Variants in THRB observed in about 807,000 individuals in gnomAD.
THRB encodes thyroid hormone receptor beta.
A neutral mutation model predicts 47.8 loss-of-function variants in THRB; 12 were observed. The observed-to-expected ratio is 0.25, with a 90% confidence interval of 0.16 to 0.41. The LOEUF is 0.41. Ranked by LOEUF, THRB falls within the 10% of genes least tolerant of loss-of-function variation. The pLI, the probability that THRB is intolerant of heterozygous loss-of-function variation, is 1.00. For synonymous variants in THRB, 218 were observed against 212.2 expected (o/e 1.03, Z -0.24); for missense variants, 348 against 589.2 (o/e 0.59, Z 4.24).
intron 3 of THRB, chr3:24,237,857 C>G (rs1398952247): frequency 6.6e-6 from 1 of 152,186 alleles, no homozygotes; most frequent in African/African-American, 2.4e-5. Flanking sequence ...ACAAAGCCCC[C>G]TGCAAATCTA....
intron 3 of THRB, among the ~76,000 whole-genome samples, chr3:24,238,330 C>T (rs909529318): frequency 2.2e-5 from 3 of 136,820 alleles, no homozygotes; most frequent in African/African-American, 8.1e-5. Flanking sequence ...ATTGGAAACA[C>T]ATTCATCATG....
intron 1 of THRB, among the ~76,000 whole-genome samples, chr3:24,462,215 G>T (rs1032189322): frequency 6.6e-6 from 1 of 151,996 alleles, no homozygotes; most frequent in East Asian, 1.9e-4. Flanking sequence ...GCCCCAGATG[G>T]CAAGGACTTG....
intron 9 of THRB, among the ~76,000 whole-genome samples, chr3:24,131,913 G>A (rs1304259525): frequency 6.6e-6 from 1 of 152,198 alleles, no homozygotes; most frequent in African/African-American, 2.4e-5. Context: ...GTGAAGCTGG[G>A]GCTAAGAGGG....
At chr3:24,175,211 T>G (rs2040982973) in intron 5 of THRB, among the ~76,000 whole-genome samples, 1 of 152,230 alleles carries the variant, frequency 6.6e-6, no homozygotes, top group South Asian at 2.1e-4. Context: ...ATTTGTTCCA[T>G]TTAAGTTTTC....
chr3:24,383,666 C>T lies in THRB; in HGVS notation c.-260-46295G>A, dbSNP rs185724664. 2.6e-5 allele frequency among the ~76,000 whole-genome samples: 4 copies of T among 152,222 alleles called. No homozygotes were observed. The East Asian group carries it at 7.7e-4, about 29-fold the overall frequency. On this transcript the variant is annotated intron_variant, in intron 1 of 10. Transcript: ENST00000646209. The stretch of plus-strand genomic sequence containing the variant: ...TACTAACACAATTCTCTTTTCTTGA[C>T]AACTCAATTCAGTTCTATTTCAAGT...
chr3:24,317,834 A>C (rs1424300017), intron 2 of THRB, among the ~76,000 whole-genome samples: 1 of 152,192 alleles, frequency 6.6e-6, no homozygotes, highest in Non-Finnish European at 1.5e-5. Context: ...AGGTGGGCAG[A>C]TTGCTTAAGC....
intron 1 of THRB, among the ~76,000 whole-genome samples, chr3:24,481,241 T>TGTTTTG (rs749267139): frequency 6.8e-6 from 1 of 146,230 alleles, no homozygotes; most frequent in Admixed American, 6.7e-5. Flanking sequence ...TTTTTTTTTT[T>TGTTTTG]TTTTTTTTTT....
intron 1 of THRB, among the ~76,000 whole-genome samples, chr3:24,417,138 A>ACGCG (rs1553752920): frequency 3.8e-4 from 58 of 151,194 alleles, no homozygotes; most frequent in African/African-American, 1.4e-3. Context: ...ACACACACAC[A>ACGCG]CGCGCAACGC....
At chr3:24,448,586 A>T (rs1285208096) in intron 1 of THRB, among the ~76,000 whole-genome samples, 2 of 152,144 alleles carry the variant, frequency 1.3e-5, no homozygotes, top group African/African-American at 2.4e-5. Context: ...AGACTTGTAT[A>T]CCTCCCATCT....
intron 1 of THRB, among the ~76,000 whole-genome samples, chr3:24,364,721 T>C (rs2064330681): frequency 6.6e-6 from 1 of 152,176 alleles, no homozygotes; most frequent in African/African-American, 2.4e-5. Flanking sequence ...GGTACTCATG[T>C]GAAAAATTAC....
intron 1 of THRB, among the ~76,000 whole-genome samples, chr3:24,453,930 G>A (rs771674182): frequency 6.6e-6 from 1 of 152,024 alleles, no homozygotes; most frequent in Non-Finnish European, 1.5e-5. Context: ...ATGTGTCTCA[G>A]GGTACTTTCT....
chr3:24,473,502 T>C (rs1694998331), intron 1 of THRB, among the ~76,000 whole-genome samples: 2 of 152,182 alleles, frequency 1.3e-5, no homozygotes, highest in South Asian at 4.1e-4. Flanking sequence ...GAGTGTAAAT[T>C]AGTTCAACCA....
At chr3:24,300,192 A>T (rs1245169879) in intron 2 of THRB, among the ~76,000 whole-genome samples, 1 of 152,152 alleles carries the variant, frequency 6.6e-6, no homozygotes. Context: ...GGCTGGTTAC[A>T]CGTGACTTTG....
chr3:24,418,714 T>C (rs2068969302), intron 1 of THRB, among the ~76,000 whole-genome samples: 1 of 151,938 alleles, frequency 6.6e-6, no homozygotes, highest in Non-Finnish European at 1.5e-5. Flanking sequence ...GAGCTTATTA[T>C]GTAATTCTAA....
At chr3:24,277,821 T>A (rs939114278) in intron 3 of THRB, among the ~76,000 whole-genome samples, 1 of 152,210 alleles carries the variant, frequency 6.6e-6, no homozygotes, top group African/African-American at 2.4e-5. Context: ...ATATGAGGTA[T>A]AAAGAATTAC....
At chr3:24,173,468 C>G (rs571942673) in intron 5 of THRB, among the ~76,000 whole-genome samples, 1 of 152,152 alleles carries the variant, frequency 6.6e-6, no homozygotes, top group African/African-American at 2.4e-5. Flanking sequence ...ACTACCAGTA[C>G]CATAATACAC....
intron 3 of THRB, among the ~76,000 whole-genome samples, chr3:24,274,751 C>A (rs970320021): frequency 6.6e-6 from 1 of 152,086 alleles, no homozygotes; most frequent in African/African-American, 2.4e-5. Context: ...GTTGCTTCCC[C>A]AATTGGTGGT....
intron 3 of THRB, among the ~76,000 whole-genome samples, chr3:24,265,876 G>A (rs2052599191): frequency 6.6e-6 from 1 of 152,062 alleles, no homozygotes; most frequent in Admixed American, 6.5e-5. Context: ...GATATATGAA[G>A]TTTGAACCCA....
chr3:24,313,474 C>T (rs959547573), intron 2 of THRB, among the ~76,000 whole-genome samples: 1 of 152,178 alleles, frequency 6.6e-6, no homozygotes, highest in Non-Finnish European at 1.5e-5. Flanking sequence ...TTCACATCCT[C>T]CAGTTCATAT....
Sources: allele counts gnomAD v4.1 joint callset (sites outside exome capture counted in the v4.1 genomes callset), GRCh38; gene constraint gnomAD v4.1.1; transcripts MANE v1.5; gene names NCBI Gene and HGNC (gene_info 2026-07-23, HGNC 2026-07-21).